Variants in MBNL1 observed in about 807,000 individuals in gnomAD.
The protein encoded by MBNL1 is muscleblind like splicing regulator 1.
A neutral mutation model predicts 42.2 loss-of-function variants in MBNL1; 8 were observed. That is an observed-to-expected ratio of 0.19 (90% CI 0.11 to 0.34). MBNL1 has a LOEUF of 0.34. MBNL1 is among the 10% of genes least tolerant of loss of function. The pLI, the probability that MBNL1 is intolerant of heterozygous loss-of-function variation, is 1.00. For synonymous variants in MBNL1, 169 were observed against 173.9 expected (o/e 0.97, Z 0.22); for missense variants, 309 against 495.3 (o/e 0.62, Z 3.57).
chr3:152,296,964 TA>T (rs1247532899), intron 1 of MBNL1, among the ~76,000 whole-genome samples: 12 of 152,190 alleles, frequency 7.9e-5, no homozygotes, highest in Non-Finnish European at 1.5e-5. Context: ...AAACACTGTA[TA>T]GGGCATAGGT....
At chr3:152,307,783 T>C (rs1055943437) in intron 2 of MBNL1, among the ~76,000 whole-genome samples, 2 of 152,200 alleles carry the variant, frequency 1.3e-5, no homozygotes, top group African/African-American at 2.4e-5. Context: ...AAAGAAAATA[T>C]AACTAACAGC....
At chr3:152,393,870 T>G (rs893446560) in intron 2 of MBNL1, among the ~76,000 whole-genome samples, 1 of 152,232 alleles carries the variant, frequency 6.6e-6, no homozygotes, top group African/African-American at 2.4e-5. Flanking sequence ...AATTGTTTTC[T>G]CAAAGGTAAT....
chr3:152,454,159 A>T (rs1423020599), intron 6 of MBNL1, among the ~76,000 whole-genome samples: 2 of 152,176 alleles, frequency 1.3e-5, no homozygotes, highest in African/African-American at 4.8e-5. Context: ...AAGTGTCTTA[A>T]TGCTTGTCAA....
At chr3:152,349,177 G>T (rs372884601) in intron 2 of MBNL1, among the ~76,000 whole-genome samples, 35 of 152,186 alleles carry the variant, frequency 2.3e-4, no homozygotes, top group African/African-American at 7.5e-4. Context: ...AATAGAGTAT[G>T]TATGTACAGG....
intron 2 of MBNL1, among the ~76,000 whole-genome samples, chr3:152,245,558 A>C (rs1331284483): frequency 6.6e-6 from 1 of 152,212 alleles, no homozygotes; most frequent in Non-Finnish European, 1.5e-5. Context: ...GGTTTGAAAA[A>C]ATTAGACTAA....
intron 2 of MBNL1, among the ~76,000 whole-genome samples, chr3:152,303,575 C>T (rs1304591025): frequency 6.6e-6 from 1 of 152,074 alleles, no homozygotes; most frequent in Non-Finnish European, 1.5e-5. Context: ...ATTAACACTG[C>T]AAGCCACCAT....
At position 152,290,326 on chromosome 3, in the gene MBNL1, T is replaced by C. The variant is rs545417858; in HGVS notation, c.-789-9079T>C. On this transcript the variant is annotated intron_variant, in intron 1 of 9. Transcript: ENST00000324210. ...GTTTTTTTTTAAATTATATCTGTCA[T>C]TTTTTTCACATGTTGATTTTGTAAT... Among the ~76,000 whole-genome samples the C allele has an allele frequency of 7.5e-4, 114 of 152,170 alleles. 1 individual carries two copies. The highest frequency in any genetic ancestry group is 2.2e-4 in the Non-Finnish European group (15 of 67,964).
intron 1 of MBNL1, among the ~76,000 whole-genome samples, chr3:152,270,682 A>G (rs1384786920): frequency 6.6e-6 from 1 of 152,260 alleles, no homozygotes; most frequent in Non-Finnish European, 1.5e-5. Context: ...GAGAATGCAC[A>G]TCGCTGTCAC....
chr3:152,269,133 G>T (rs1322826470), intron 1 of MBNL1, 41 bp downstream of exon 1: 1 of 443,844 alleles, frequency 2.3e-6, no homozygotes, highest in African/African-American at 2.0e-5. Flanking sequence ...CCGCTTCATT[G>T]TTCGGACTCC....
intron 2 of MBNL1, chr3:152,338,257 C>T (rs2091827067): frequency 1.0e-6 from 1 of 985,282 alleles, no homozygotes; most frequent in Non-Finnish European, 1.2e-6. Context: ...TTTTCAAGCA[C>T]TACCTGAGCT....
intron 2 of MBNL1, among the ~76,000 whole-genome samples, chr3:152,317,355 T>A (rs1251645596): frequency 6.6e-6 from 1 of 152,176 alleles, no homozygotes; most frequent in South Asian, 2.1e-4. Flanking sequence ...ACAGTCTCAC[T>A]GTCACTCAGG....
chr3:152,458,580 G>A (rs1738512790), intron 8 of MBNL1: 1 of 173,412 alleles, frequency 5.8e-6, no homozygotes, highest in African/African-American at 2.4e-5. Flanking sequence ...TCTCAGGTTA[G>A]CAGGCATTAA....
rs971376017 is a variant in MBNL1 at position 152,463,220 on chromosome 3, ACT to A, written c.*860_*861del. 1 of 150,688 alleles carries A rather than the reference ACT, an allele frequency of 6.6e-6. No homozygotes were observed. Among genetic ancestry groups the A allele is most frequent in the Non-Finnish European group, 1.5e-5 (1 of 67,566 alleles). 9.3% of individuals were successfully genotyped at this position (150,688 alleles called of 1,614,324 possible). On this transcript the variant is annotated 3_prime_UTR_variant, in exon 10 of 10. Coordinates refer to ENST00000324210, the MANE Select transcript of MBNL1 (RefSeq NM_021038.5). The stretch of plus-strand genomic sequence containing the variant: ...AGTAACAATAGACAGCACAACACAA[ACT>A]CTCTCAATACAGATAAACTCACACA...
intron 1 of MBNL1, among the ~76,000 whole-genome samples, chr3:152,279,360 A>C (rs756219317): frequency 6.6e-6 from 1 of 152,062 alleles, no homozygotes; most frequent in Non-Finnish European, 1.5e-5. Context: ...ATACTTCAAA[A>C]CCAGCATTCC....
chr3:152,335,231 G>A (rs1420486419), intron 2 of MBNL1: 1 of 1,289,772 alleles, frequency 7.8e-7, no homozygotes, highest in Admixed American at 2.3e-5. Context: ...ATGGATGCTG[G>A]TGAGTGAATA....
intron 2 of MBNL1, among the ~76,000 whole-genome samples, chr3:152,348,159 G>A (rs2152948736): frequency 6.6e-6 from 1 of 152,238 alleles, no homozygotes; most frequent in African/African-American, 2.4e-5. Context: ...GAAAAGGAAT[G>A]TAATGGGAGG....
intron 6 of MBNL1, among the ~76,000 whole-genome samples, chr3:152,455,310 A>C (rs1407910680): frequency 6.6e-6 from 1 of 152,240 alleles, no homozygotes; most frequent in Non-Finnish European, 1.5e-5. Flanking sequence ...TAAGAGAAAC[A>C]AAGTGTACCA....
intron 2 of MBNL1, among the ~76,000 whole-genome samples, chr3:152,356,305 C>A (rs1329286473): frequency 6.6e-6 from 1 of 151,150 alleles, no homozygotes; most frequent in Non-Finnish European, 1.5e-5. Flanking sequence ...TAATACTTTT[C>A]ACAGTTTTTA....
At chr3:152,383,560 G>A (rs902009969) in intron 2 of MBNL1, among the ~76,000 whole-genome samples, 1 of 152,062 alleles carries the variant, frequency 6.6e-6, no homozygotes, top group African/African-American at 2.4e-5. Flanking sequence ...GTGTAAAGGA[G>A]TCATTGTAAC....
Sources: allele counts gnomAD v4.1 joint callset (sites outside exome capture counted in the v4.1 genomes callset), GRCh38; gene constraint gnomAD v4.1.1; transcripts MANE v1.5; gene names NCBI Gene and HGNC (gene_info 2026-07-23, HGNC 2026-07-21).